The following HDAC11 variants were observed in gnomAD, a reference collection of about 807,000 sequenced individuals.
The protein encoded by HDAC11 is histone deacetylase 11.
In HDAC11, 23 loss-of-function variants were observed where a neutral mutation model predicts 41.1. The observed-to-expected ratio is 0.56, with a 90% confidence interval of 0.40 to 0.79. The LOEUF is 0.79. HDAC11 is among the 30% of genes least tolerant of loss of function. The pLI is 0.00. For synonymous variants in HDAC11, 187 were observed against 186.6 expected, an observed-to-expected ratio of 1.00 and a Z score of -0.02; for missense variants, 402 against 477.3, an observed-to-expected ratio of 0.84 and a Z score of 1.47.
Position 13,502,169 on chromosome 3 carries a change from C to G in HDAC11, c.552+236C>G, listed in dbSNP as rs1184642078. 1 of 547,272 alleles carries G rather than the reference C, an allele frequency of 1.8e-6. No individual in the cohort carries two copies. The allele number at this position is 547,272 out of a possible 1,614,324, so 33.9% of individuals were successfully genotyped here. On this transcript the variant is annotated intron_variant, in intron 7 of 9. Transcript: ENST00000295757. The surrounding 1 kb of genome is among the most constrained non-coding windows in gnomAD (Gnocchi z 4.1). ...CTCCTGACTGCCCCCACATGAGGCTCTTCCTGAAGCCCACTCTGATGGGAC... is the reference window on the plus strand; with the variant it reads ...CTCCTGACTGCCCCCACATGAGGCTGTTCCTGAAGCCCACTCTGATGGGAC...
At chr3:13,489,457 A>G (rs527536342) in intron 3 of HDAC11, among the ~76,000 whole-genome samples, 3 of 152,340 alleles carry the variant, frequency 2.0e-5, no homozygotes, top group South Asian at 2.1e-4. Flanking sequence ...TCCCAGCACC[A>G]TTTGTTAGGC....
chr3:13,486,571 G>GTTTTTTTTTTTTTTTTTTTT (rs767002835), intron 3 of HDAC11, among the ~76,000 whole-genome samples: 1 of 83,046 alleles, frequency 1.2e-5, no homozygotes, highest in African/African-American at 4.8e-5. Flanking sequence ...ATGTAGAGGT[G>GTTTTTTTTTTTTTTTTTTTT]TTTTTTTTTT....
rs767563049 is a variant in HDAC11, at chr3:13,498,515, G to A, written c.372G>A (p.Ala124=). The A allele has an allele frequency of 9.9e-6, 16 of 1,613,860 alleles. No individual in the cohort carries two copies. Among genetic ancestry groups the A allele is most frequent in the Middle Eastern group, 3.3e-4 (2 of 6,084 alleles). Reference sequence around the variant, plus strand: ...TCACCCTCTGCTTGTCTCCAAAGGCGGGGAAGCTGGCTGTGGAGCGAGGCT... The same window carrying A: ...TCACCCTCTGCTTGTCTCCAAAGGCAGGGAAGCTGGCTGTGGAGCGAGGCT... ...LRTQTGGTIM[A]GKLAVERGWA... The change falls in exon 5 of 10, where the codon GCG becomes GCA. Residue 124 remains alanine (A), a splice_region_variant and synonymous_variant. Coordinates refer to ENST00000295757, the MANE Select transcript of HDAC11 (RefSeq NM_024827.4).
At chr3:13,503,955 C>A in intron 8 of HDAC11, 139 bp from the exon 9 acceptor site, 2 of 753,172 alleles carry the variant, frequency 2.7e-6, no homozygotes, top group South Asian at 1.9e-5. Flanking sequence ...GCTCTTTTCA[C>A]CTTAGTTTTG....
intron 3 of HDAC11, among the ~76,000 whole-genome samples, chr3:13,495,544 A>T (rs1442089564): frequency 6.6e-6 from 1 of 151,834 alleles, no homozygotes; most frequent in Non-Finnish European, 1.5e-5. Context: ...TTCTTATCTC[A>T]TGCTTCCTCT....
chr3:13,501,743 T>G (rs745755617), intron 6 of HDAC11, 128 bp from the exon 7 acceptor site: 3 of 800,402 alleles, frequency 3.7e-6, no homozygotes, highest in Non-Finnish European at 6.7e-6. Flanking sequence ...ACATCTTTGC[T>G]GGGTGGCCTG....
intron 3 of HDAC11, among the ~76,000 whole-genome samples, chr3:13,485,649 G>A (rs1701524864): frequency 6.6e-6 from 1 of 152,176 alleles, no homozygotes; most frequent in Non-Finnish European, 1.5e-5. Context: ...ATAGCTGGGT[G>A]TAGTGGCATG....
chr3:13,501,502 G>A, intron 6 of HDAC11: 1 of 415,604 alleles, frequency 2.4e-6, no homozygotes. Context: ...GTAGGATAAG[G>A]CAGAGGTTGG....
intron 4 of HDAC11, 35 bp downstream of exon 4, chr3:13,496,887 G>GC (rs1702125742): frequency 3.9e-6 from 5 of 1,280,808 alleles, no homozygotes; most frequent in Non-Finnish European, 5.4e-6. Context: ...TGGGCTGGGG[G>GC]CCCCCACACC....
At chr3:13,495,396 T>G (rs1327108509) in intron 3 of HDAC11, among the ~76,000 whole-genome samples, 5 of 152,100 alleles carry the variant, frequency 3.3e-5, no homozygotes, top group African/African-American at 1.2e-4. Flanking sequence ...CAGAACCTAG[T>G]GCCGCCTCTG....
At chr3:13,481,479 C>G in intron 2 of HDAC11, 85 bp downstream of exon 2, 4 of 1,488,978 alleles carry the variant, frequency 2.7e-6, no homozygotes, top group Non-Finnish European at 3.7e-6. Context: ...AAGCCTCAGG[C>G]TCTCTCCCAT....
intron 6 of HDAC11, among the ~76,000 whole-genome samples, chr3:13,501,151 C>A (rs1244738125): frequency 1.3e-5 from 2 of 152,220 alleles, no homozygotes; most frequent in African/African-American, 4.8e-5. Context: ...TAGCACCTGG[C>A]AGTTCTGCAT....
At chr3:13,496,662 C>A (rs1372131085) in intron 3 of HDAC11, 74 bp from the exon 4 acceptor site, 1 of 947,254 alleles carries the variant, frequency 1.1e-6, no homozygotes, top group African/African-American at 1.7e-5. Context: ...AAGGCATTTC[C>A]CGGGGAACCA....
rs982520239 is a variant in HDAC11, at chr3:13,500,888, G to T, written c.489+99G>T. 5 of 938,930 alleles carry T rather than the reference G, an allele frequency of 5.3e-6. No individual in the cohort carries two copies. In the African/African-American group the frequency reaches 8.7e-5, roughly 16 times the overall value. 58.2% of individuals were successfully genotyped at this position (938,930 alleles called of 1,614,324 possible). On this transcript the variant is annotated intron_variant, in intron 6 of 9. Transcript: ENST00000295757. Reference sequence around the variant, plus strand: ...GTTCTCACCCTGAATTATAGACAAGGGGCCTATGCTGGAGCAGGGAGGGGG... The same window carrying T: ...GTTCTCACCCTGAATTATAGACAAGTGGCCTATGCTGGAGCAGGGAGGGGG...
Position 13,504,846 on chromosome 3 carries a change from G to C in HDAC11, c.*163G>C, listed in dbSNP as rs1202334231. ...GGCCCTTCCTCTACTTTTCCCTGCT[G>C]GAAGCCAGAAGGGCTTGAGGCCTCT... On this transcript the variant is annotated 3_prime_UTR_variant, in exon 10 of 10. Transcript: ENST00000295757. The C allele has an allele frequency of 8.9e-6, 6 of 675,846 alleles. No homozygotes were observed. Among genetic ancestry groups the C allele is most frequent in the Non-Finnish European group, 1.3e-5 (5 of 394,570 alleles). The allele number at this position is 675,846 out of a possible 1,614,324, so 41.9% of individuals were successfully genotyped here. A position where few individuals can be genotyped will look rare whatever the true frequency, so the allele number is the denominator to read the frequency against.
rs767002835 is a variant in HDAC11 at position 13,486,571 on chromosome 3, G to GTTT, written c.252+3029_252+3031dup. Among the ~76,000 whole-genome samples the GTTT allele has an allele frequency of 2.4e-3, 196 of 83,038 alleles. 3 individuals carry two copies. Among genetic ancestry groups the GTTT allele is most frequent in the African/African-American group, 8.2e-3 (172 of 21,032 alleles). 54.5% of individuals were successfully genotyped at this position (83,038 alleles called of 152,430 possible). On this transcript the variant is annotated intron_variant, in intron 3 of 9. Coordinates refer to ENST00000295757, the MANE Select transcript of HDAC11 (RefSeq NM_024827.4). ...GAGCAGGTGATACTCATGTAGAGGTGTTTTTTTTTTTTTTTTTTTTTTTTG... is the reference window on the plus strand; with the variant it reads ...GAGCAGGTGATACTCATGTAGAGGTGTTTTTTTTTTTTTTTTTTTTTTTTTTTG...
intron 3 of HDAC11, among the ~76,000 whole-genome samples, chr3:13,486,579 T>G (rs1178997681): frequency 1.6e-4 from 22 of 135,682 alleles, no homozygotes; most frequent in Admixed American, 5.8e-4. Flanking sequence ...GTGTTTTTTT[T>G]TTTTTTTTTT....
At chr3:13,493,317 C>G (rs1216458940) in intron 3 of HDAC11, among the ~76,000 whole-genome samples, 1 of 151,998 alleles carries the variant, frequency 6.6e-6, no homozygotes, top group Non-Finnish European at 1.5e-5. Context: ...GCCCTCTTCC[C>G]TCTCCTCCCC....
rs989205052 is a variant in HDAC11 at position 13,496,013 on chromosome 3, G to A, written c.253-723G>A. ...TTTACAAAGTGAGTGGCTCTGCCTC[G>A]CGTGGGTGGGGAGCAGGGATGCGTT... On this transcript the variant is annotated intron_variant, in intron 3 of 9. Coordinates refer to ENST00000295757, the MANE Select transcript of HDAC11 (RefSeq NM_024827.4). Among the ~76,000 whole-genome samples the A allele has an allele frequency of 3.9e-5, 6 of 152,222 alleles. No individual in the cohort carries two copies. The South Asian group carries it at 6.2e-4, about 16-fold the overall frequency.
Sources: gnomAD v4.1 joint callset for allele counts (sites outside exome capture counted in the v4.1 genomes callset) on GRCh38, gnomAD v4.1.1 for gene constraint, Gnocchi (gnomAD v3.1) non-coding constraint, MANE v1.5 for transcripts, NCBI Gene and HGNC (gene_info 2026-07-23, HGNC 2026-07-21) for gene names.